The following HHAT variants were observed in gnomAD, a reference collection of about 807,000 sequenced individuals.
HHAT encodes protein-cysteine N-palmitoyltransferase HHAT.
In HHAT, 47 loss-of-function variants were observed where a neutral mutation model predicts 70.8. The observed-to-expected ratio is 0.66, with a 90% CI of 0.53 to 0.85. The LOEUF is 0.85. Ranked by LOEUF, HHAT falls within the 40% of genes least tolerant of loss-of-function variation. HHAT has a pLI of 0.00. For missense variants in HHAT, 609 were observed against 604.8 expected (o/e 1.01, Z -0.07); for synonymous variants, 228 against 247.6 (o/e 0.92, Z 0.74).
Position 210,551,481 on chromosome 1 carries a change from C to T in HHAT, c.1044-36417C>T, listed in dbSNP as rs1287012292. ...TGTGTTTCTGAGTAACCCCCTAGGA[C>T]AGCCTGCTGGGCTGTTGGCTCCAGA... On this transcript the variant is annotated intron_variant, in intron 9 of 11. Transcript: ENST00000261458. Among the ~76,000 whole-genome samples the T allele has an allele frequency of 3.8e-5, 5 of 131,770 alleles. 1 individual carries two copies. Among genetic ancestry groups the T allele is most frequent in the Non-Finnish European group, 7.7e-5 (5 of 64,760 alleles). The allele number at this position is 131,770 out of a possible 152,430, so 86.4% of individuals were successfully genotyped here. A position where few individuals can be genotyped will look rare whatever the true frequency, so the allele number is the denominator to read the frequency against.
intron 9 of HHAT, among the ~76,000 whole-genome samples, chr1:210,543,648 A>G (rs1335992478): frequency 6.6e-6 from 1 of 151,894 alleles, no homozygotes; most frequent in Non-Finnish European, 1.5e-5. Context: ...AATTTTTCCA[A>G]ATTTTTCTTT....
intron 6 of HHAT, 112 bp from the exon 7 acceptor site, chr1:210,418,042 C>T (rs1572290629): frequency 4.0e-6 from 4 of 1,006,108 alleles, no homozygotes; most frequent in African/African-American, 1.6e-5. Flanking sequence ...AACCAACCCT[C>T]TGTCAGCTGG....
At chr1:210,428,147 CCA>C (rs1159870930) in intron 7 of HHAT, among the ~76,000 whole-genome samples, 6 of 150,574 alleles carry the variant, frequency 4.0e-5, no homozygotes, top group African/African-American at 1.2e-4. Flanking sequence ...TTCCGTCCAT[CCA>C]CAGTTTTACA....
intron 9 of HHAT, among the ~76,000 whole-genome samples, chr1:210,569,391 A>AAAAAAAAAAAAAAAAAAAAAAAAAG (rs1374931067): frequency 6.8e-6 from 1 of 147,374 alleles, no homozygotes; most frequent in African/African-American, 2.5e-5. Context: ...AAAAAAAAAA[A>AAAAAAAAAAAAAAAAAAAAAAAAAG]AAAAAAAAGC....
intron 6 of HHAT, among the ~76,000 whole-genome samples, chr1:210,413,168 A>T (rs1353709672): frequency 6.6e-6 from 1 of 152,230 alleles, no homozygotes; most frequent in African/African-American, 2.4e-5. Flanking sequence ...ACCAATTTTA[A>T]TTGTAAAACA....
intron 9 of HHAT, among the ~76,000 whole-genome samples, chr1:210,526,367 G>GT (rs5780585): frequency 1.6e-4 from 23 of 142,392 alleles, no homozygotes; most frequent in East Asian, 4.5e-4. Context: ...AGTGGGTTCT[G>GT]TTTTTTTTTT....
intron 8 of HHAT, among the ~76,000 whole-genome samples, chr1:210,472,722 T>C (rs1351772142): frequency 6.6e-6 from 1 of 152,164 alleles, no homozygotes. Flanking sequence ...AGAACCTGTG[T>C]TCATTAGGTT....
chr1:210,633,827 TG>T (rs1671343064), intron 11 of HHAT, among the ~76,000 whole-genome samples: 1 of 152,146 alleles, frequency 6.6e-6, no homozygotes, highest in African/African-American at 2.4e-5. Context: ...CCTGGGCGCT[TG>T]CTGGCGCATG....
chr1:210,655,080 A>G (rs1323553880), intron 11 of HHAT, among the ~76,000 whole-genome samples: 1 of 152,204 alleles, frequency 6.6e-6, no homozygotes, highest in Admixed American at 6.5e-5. Context: ...TCATGTAAAT[A>G]TTGTGCTCTG....
Position 210,485,017 on chromosome 1 carries a change from C to A in HHAT, c.1007+20362C>A, listed in dbSNP as rs540190353. Among the ~76,000 whole-genome samples the A allele has an allele frequency of 9.5e-4, 144 of 152,208 alleles. 1 individual carries two copies. The highest frequency in any genetic ancestry group is 3.2e-3 in the African/African-American group (132 of 41,544). ...TGTGCAGAGTAAGATGAGGTATGGG[C>A]TAGAGGTTCATGGGGTCTCTTTGCT... On this transcript the variant is annotated intron_variant, in intron 8 of 11. Coordinates refer to ENST00000261458, the MANE Select transcript of HHAT (RefSeq NM_018194.6).
intron 9 of HHAT, among the ~76,000 whole-genome samples, chr1:210,562,660 T>C (rs1476838534): frequency 1.3e-5 from 2 of 152,124 alleles, no homozygotes; most frequent in African/African-American, 4.8e-5. Flanking sequence ...TTCTTTTCTT[T>C]TTTTTTTATT....
chr1:210,387,590 A>G lies in HHAT; in HGVS notation c.273+9A>G, dbSNP rs367566297. 5.0e-6 allele frequency: 8 copies of G among 1,597,738 alleles called. No individual in the cohort carries two copies. The highest frequency in any genetic ancestry group is 1.1e-5 in the South Asian group (1 of 90,682). On this transcript the variant is annotated intron_variant, in intron 4 of 11. Coordinates refer to ENST00000261458, the MANE Select transcript of HHAT (RefSeq NM_018194.6). Reference sequence around the variant, plus strand: ...CACTGCTGGCAAGAAAGGTATGATTATATGTGTTGTTACCTTTTAAGTGTG... The same window carrying G: ...CACTGCTGGCAAGAAAGGTATGATTGTATGTGTTGTTACCTTTTAAGTGTG...
chr1:210,474,342 T>C (rs1462154390), intron 8 of HHAT, among the ~76,000 whole-genome samples: 1 of 152,178 alleles, frequency 6.6e-6, no homozygotes, highest in Non-Finnish European at 1.5e-5. Context: ...CGAGGCTAGA[T>C]TGCAGTGGCG....
chr1:210,577,487 AT>A (rs1327673732), intron 9 of HHAT, among the ~76,000 whole-genome samples: 4 of 152,016 alleles, frequency 2.6e-5, no homozygotes, highest in Non-Finnish European at 5.9e-5. Context: ...ATGCTAATTG[AT>A]TTGTGTAAGT....
At chr1:210,414,826 T>C (rs1222429520) in intron 6 of HHAT, among the ~76,000 whole-genome samples, 7 of 152,146 alleles carry the variant, frequency 4.6e-5, no homozygotes, top group Non-Finnish European at 1.0e-4. Flanking sequence ...GAGACTAGCC[T>C]GGCCAATGTG....
intron 9 of HHAT, among the ~76,000 whole-genome samples, chr1:210,538,611 C>A (rs1294669882): frequency 6.6e-6 from 1 of 152,100 alleles, no homozygotes. Context: ...GGAAGACAGT[C>A]TTGAGATTGT....
intron 10 of HHAT, among the ~76,000 whole-genome samples, chr1:210,606,476 G>A (rs1017446009): frequency 8.6e-6 from 1 of 116,810 alleles, no homozygotes; most frequent in Non-Finnish European, 2.1e-5. Context: ...TTTCCACATG[G>A]TCAGAGGTAT....
At chr1:210,590,975 A>G (rs190227912) in intron 10 of HHAT, among the ~76,000 whole-genome samples, 1 of 152,238 alleles carries the variant, frequency 6.6e-6, no homozygotes, top group East Asian at 1.9e-4. Flanking sequence ...GGGGTACATG[A>G]GATATTTTGA....
At chr1:210,652,887 C>T (rs546256641) in intron 11 of HHAT, among the ~76,000 whole-genome samples, 62 of 152,164 alleles carry the variant, frequency 4.1e-4, no homozygotes, top group Non-Finnish European at 7.2e-4. Context: ...GTATAAAGTG[C>T]CAGCTCCTCT....
Sources: allele counts gnomAD v4.1 joint callset (sites outside exome capture counted in the v4.1 genomes callset), GRCh38; gene constraint gnomAD v4.1.1; transcripts MANE v1.5; gene names NCBI Gene and HGNC (gene_info 2026-07-23, HGNC 2026-07-21).